ANKRD30B: variants seen among roughly 807,000 people sequenced by gnomAD.
ANKRD30B encodes ankyrin repeat domain 30B.
ANKRD30B carries 144 observed loss-of-function variants against 202.2 expected under a neutral mutation model. The ratio of observed to expected loss-of-function variants is 0.71; its 90% confidence interval spans 0.62 to 0.82. The LOEUF is 0.82. Among genes scored for constraint, ANKRD30B ranks in the 40% least tolerant of loss-of-function variants. ANKRD30B has a pLI of 0.00. For synonymous variants in ANKRD30B, 508 were observed against 561.3 expected (o/e 0.91, Z 1.34); for missense variants, 1,487 against 1,669.1 (o/e 0.89, Z 1.90).
intron 1 of ANKRD30B, among the ~76,000 whole-genome samples, chr18:14,751,438 G>A (rs11080790): frequency 0.4 from 60,963 of 151,706 alleles, 13,409 homozygotes; most frequent in East Asian, 0.58. Flanking sequence ...CAAAGTGAGA[G>A]ATTTAAAATT....
At chr18:14,762,943 C>T (rs1915493520) in intron 6 of ANKRD30B, among the ~76,000 whole-genome samples, 1 of 151,836 alleles carries the variant, frequency 6.6e-6, no homozygotes, top group South Asian at 2.1e-4. Context: ...ATTTTTCCAA[C>T]AGAATTTCCT....
At chr18:14,866,467 G>GTA in the ANKRD30B span, among the ~76,000 whole-genome samples, 2 of 152,276 alleles carry the variant, frequency 1.3e-5, no homozygotes, top group Non-Finnish European at 2.9e-5. Context: ...AGCCTGAGCT[G>GTA]TAGGAGGGTG....
intron 22 of ANKRD30B, among the ~76,000 whole-genome samples, chr18:14,800,425 C>A (rs371061683): frequency 4.3e-4 from 65 of 151,178 alleles, no homozygotes; most frequent in African/African-American, 1.5e-3. Flanking sequence ...CCCAGGTTCA[C>A]GCCATTCTCC....
chr18:14,920,187 C>T, the ANKRD30B span, among the ~76,000 whole-genome samples: 4 of 152,174 alleles, frequency 2.6e-5, no homozygotes, highest in African/African-American at 7.2e-5. Context: ...TTCATTTATT[C>T]GTTCATTCAT....
Position 14,756,090 on chromosome 18 carries a change from G to A in ANKRD30B, c.617+1085G>A, listed in dbSNP as rs1334778778. Among the ~76,000 whole-genome samples, 4 of 152,156 alleles carry A rather than the reference G, an allele frequency of 2.6e-5. 1 individual carries two copies. Among genetic ancestry groups the A allele is most frequent in the East Asian group, 3.9e-4 (2 of 5,172 alleles). ...GTTGTTTCCTGACTTTTTAATGATC[G>A]CCATTCTAACTAGTGTGAGATGGTA... is the stretch of plus-strand genomic sequence containing the variant. On this transcript the variant is annotated intron_variant, in intron 4 of 43. Coordinates refer to ENST00000690538, the MANE Select transcript of ANKRD30B (RefSeq NM_001367607.2).
Position 14,754,896 on chromosome 18 carries a change from C to T in ANKRD30B, c.511-3C>T. The T allele has an allele frequency of 6.6e-7, 1 of 1,511,368 alleles. No homozygotes were observed. Among genetic ancestry groups the T allele is most frequent in the Non-Finnish European group, 8.8e-7 (1 of 1,131,786 alleles). The allele number at this position is 1,511,368 out of a possible 1,614,324, so 93.6% of individuals were successfully genotyped here. On this transcript the variant is annotated splice_polypyrimidine_tract_variant and splice_region_variant and intron_variant, in intron 3 of 43. Transcript: ENST00000690538. ...AATTATATATTGTTCTGCTATTTTA[C>T]AGGCTAGCCTCACACCCCTTTTACT...
the ANKRD30B span, among the ~76,000 whole-genome samples, chr18:14,899,227 C>G: frequency 6.6e-6 from 1 of 151,710 alleles, no homozygotes; most frequent in South Asian, 2.1e-4. Flanking sequence ...TCAACTGTTC[C>G]CCTTCAACAA....
the ANKRD30B span, among the ~76,000 whole-genome samples, chr18:14,871,321 G>A: frequency 6.8e-6 from 1 of 146,264 alleles, no homozygotes; most frequent in Non-Finnish European, 1.5e-5. Context: ...CCACGCTCTT[G>A]GCAGGTTGGT....
intron 20 of ANKRD30B, among the ~76,000 whole-genome samples, chr18:14,798,118 G>T (rs1362352501): frequency 6.6e-6 from 1 of 152,110 alleles, no homozygotes. Context: ...GTTCCCAGGT[G>T]GATCAGCAGG....
chr18:14,876,776 G>C, the ANKRD30B span, among the ~76,000 whole-genome samples: 1 of 152,330 alleles, frequency 6.6e-6, no homozygotes, highest in East Asian at 1.9e-4. Flanking sequence ...TGCTTAAAAT[G>C]CACCAGAGTG....
At position 14,784,544 on chromosome 18, in the gene ANKRD30B, T is replaced by C. The variant is rs567138508; in HGVS notation, c.1672+9T>C. The C allele has an allele frequency of 1.6e-5, 26 of 1,610,730 alleles. No homozygotes were observed. In the South Asian group the frequency reaches 2.7e-4, roughly 17 times the overall value. On this transcript the variant is annotated intron_variant, in intron 14 of 43. Transcript: ENST00000690538. ...ACAAACATTGAGAGCAGGTAAATTTTTCAATTTAACTATGCAAAGATGAAT... is the reference window on the plus strand; with the variant it reads ...ACAAACATTGAGAGCAGGTAAATTTCTCAATTTAACTATGCAAAGATGAAT...
At chr18:14,904,470 T>G in the ANKRD30B span, among the ~76,000 whole-genome samples, 1 of 152,100 alleles carries the variant, frequency 6.6e-6, no homozygotes, top group Admixed American at 6.6e-5. Context: ...TGAACTTCTT[T>G]TCTCCTCTCT....
chr18:14,891,392 C>T, the ANKRD30B span, among the ~76,000 whole-genome samples: 4 of 144,978 alleles, frequency 2.8e-5, no homozygotes, highest in Non-Finnish European at 6.0e-5. Flanking sequence ...ATATACTATA[C>T]TTAACACTAG....
At position 14,748,312 on chromosome 18, in the gene ANKRD30B, G is replaced by T. The variant is rs1912795220; in HGVS notation, c.-108G>T. 6.4e-6 allele frequency: 6 copies of T among 931,488 alleles called. No homozygotes were observed. The highest frequency in any genetic ancestry group is 1.7e-5 in the African/African-American group (1 of 59,444). 57.7% of individuals were successfully genotyped at this position (931,488 alleles called of 1,614,324 possible). On this transcript the variant is annotated 5_prime_UTR_variant, in exon 1 of 44. Coordinates refer to ENST00000690538, the MANE Select transcript of ANKRD30B (RefSeq NM_001367607.2). ...GGGAACTGAAGACGGGCGAGTGCGA[G>T]CCGGGGGCGGGTGCTGGGGAAGGGT... is the stretch of plus-strand genomic sequence containing the variant.
rs758747189 is a variant in ANKRD30B at position 14,837,225 on chromosome 18, G to GACAGGA, written c.2866_2867insGAACAG (p.Thr955_Val956insGlyThr). 201 of 1,546,830 alleles carry GACAGGA rather than the reference G, an allele frequency of 1.3e-4. No homozygotes were observed. Among genetic ancestry groups the GACAGGA allele is most frequent in the Admixed American group, 2.0e-5 (1 of 50,610 alleles). Reference sequence around the variant, plus strand: ...GTTTGTAATAGGAGGGAGCAACAAAGACAGTAACTGGACAACAGGAACGTG... The same window carrying GACAGGA: ...GTTTGTAATAGGAGGGAGCAACAAAGACAGGAACAGTAACTGGACAACAGGAACGTG... On this transcript the variant is annotated inframe_insertion, in exon 35 of 44. Coordinates refer to ENST00000690538, the MANE Select transcript of ANKRD30B (RefSeq NM_001367607.2).
the ANKRD30B span, among the ~76,000 whole-genome samples, chr18:14,922,291 G>A: frequency 6.6e-6 from 1 of 152,118 alleles, no homozygotes; most frequent in Non-Finnish European, 1.5e-5. Context: ...CCATCCCAGT[G>A]GTTAAAAGTT....
chr18:14,791,598 G>A (rs115164731), intron 16 of ANKRD30B, 107 bp downstream of exon 16: 5 of 846,890 alleles, frequency 5.9e-6, no homozygotes, highest in Admixed American at 2.9e-5. Context: ...TTAATGCAAA[G>A]CACAGAAAAA....
chr18:14,789,442 GT>G (rs1968316641), intron 15 of ANKRD30B, among the ~76,000 whole-genome samples: 1 of 152,118 alleles, frequency 6.6e-6, no homozygotes, highest in Admixed American at 6.5e-5. Context: ...TGCTTTTGGT[GT>G]TTTAGACATG....
At chr18:14,922,731 C>A in the ANKRD30B span, among the ~76,000 whole-genome samples, 1 of 151,774 alleles carries the variant, frequency 6.6e-6, no homozygotes, top group African/African-American at 2.4e-5. Flanking sequence ...CTTAGTGCTG[C>A]GCTGTGCTCA....
Sources: allele counts gnomAD v4.1 joint callset (sites outside exome capture counted in the v4.1 genomes callset), GRCh38; gene constraint gnomAD v4.1.1; transcripts MANE v1.5; gene names NCBI Gene and HGNC (gene_info 2026-07-23, HGNC 2026-07-21).